Variants in CDH13 observed in about 807,000 individuals in gnomAD.
The protein encoded by CDH13 is cadherin 13.
Under a neutral mutation model 63.8 loss-of-function variants are expected in CDH13, and 24 were observed. That is an observed-to-expected ratio of 0.38 (90% CI 0.27 to 0.53). The LOEUF is 0.53. Among genes scored for constraint, CDH13 ranks in the 20% least tolerant of loss-of-function variants. The pLI is 0.85. For missense variants in CDH13, 1,049 were observed against 903.1 expected (o/e 1.16, Z -2.07); for synonymous variants, 503 against 355.3 (o/e 1.42, Z -4.67).
intron 8 of CDH13, among the ~76,000 whole-genome samples, chr16:83,648,010 G>A (rs916845380): frequency 6.6e-6 from 1 of 152,158 alleles, no homozygotes; most frequent in Non-Finnish European, 1.5e-5. Flanking sequence ...CTTCGCCTAA[G>A]GAAACTGGAG....
At chr16:83,593,912 A>G (rs1461449507) in intron 7 of CDH13, among the ~76,000 whole-genome samples, 1 of 152,210 alleles carries the variant, frequency 6.6e-6, no homozygotes, top group African/African-American at 2.4e-5. Flanking sequence ...GGTACTCATT[A>G]TCTATTGCTG....
intron 1 of CDH13, among the ~76,000 whole-genome samples, chr16:82,681,601 CT>C (rs1162970580): frequency 6.6e-6 from 1 of 152,246 alleles, no homozygotes; most frequent in Non-Finnish European, 1.5e-5. Flanking sequence ...GTATCTGACA[CT>C]TTCTTGCTTA....
chr16:82,733,657 C>A (rs1210762304), intron 1 of CDH13, among the ~76,000 whole-genome samples: 1 of 152,106 alleles, frequency 6.6e-6, no homozygotes, highest in Non-Finnish European at 1.5e-5. Flanking sequence ...GGTCACAGAC[C>A]CAACAGGTGA....
At chr16:83,649,850 T>C (rs1912195522) in intron 8 of CDH13, among the ~76,000 whole-genome samples, 1 of 152,202 alleles carries the variant, frequency 6.6e-6, no homozygotes, top group Admixed American at 6.5e-5. Context: ...CCTGAGGACC[T>C]GATTCAAAAG....
intron 3 of CDH13, among the ~76,000 whole-genome samples, chr16:83,122,124 G>C (rs903824730): frequency 6.6e-6 from 1 of 152,144 alleles, no homozygotes; most frequent in East Asian, 1.9e-4. Flanking sequence ...TTAGTATGTG[G>C]CATTAAATAA....
At chr16:83,445,362 T>C (rs1408374292) in intron 6 of CDH13, among the ~76,000 whole-genome samples, 1 of 128,408 alleles carries the variant, frequency 7.8e-6, no homozygotes, top group Non-Finnish European at 1.8e-5. Context: ...AGAAAAGTTA[T>C]TTCAGAAAAG....
intron 1 of CDH13, among the ~76,000 whole-genome samples, chr16:82,661,026 C>T (rs890603240): frequency 6.6e-6 from 1 of 151,970 alleles, no homozygotes; most frequent in African/African-American, 2.4e-5. Context: ...ATGGCAGTGG[C>T]CACTTCAAAG....
intron 3 of CDH13, among the ~76,000 whole-genome samples, chr16:83,050,967 T>C (rs771642099): frequency 9.8e-5 from 15 of 152,340 alleles, no homozygotes; most frequent in Non-Finnish European, 1.9e-4. Flanking sequence ...ATGTGGTTTC[T>C]ACCTGCAAAC....
rs538139837 is a variant in CDH13, at chr16:82,777,932, G to A, written c.46-80430G>A. On this transcript the variant is annotated intron_variant, in intron 1 of 13. Coordinates refer to ENST00000567109, the MANE Select transcript of CDH13 (RefSeq NM_001257.5). ...ACTTGATTCGTCAGAGAAAATAGGT[G>A]AGAAGAGCCAGAAAGCCAGAGGGCC... 2.0e-5 allele frequency among the ~76,000 whole-genome samples: 3 copies of A among 152,308 alleles called. No individual in the cohort carries two copies. The East Asian group carries it at 5.8e-4, about 29-fold the overall frequency.
chr16:82,776,394 G>A (rs925406334), intron 1 of CDH13, among the ~76,000 whole-genome samples: 2 of 152,206 alleles, frequency 1.3e-5, no homozygotes, highest in African/African-American at 2.4e-5. Flanking sequence ...CCAGTGCAGA[G>A]TTGGTGGTCA....
chr16:82,633,619 C>A (rs1908298899), intron 1 of CDH13, among the ~76,000 whole-genome samples: 1 of 152,158 alleles, frequency 6.6e-6, no homozygotes, highest in South Asian at 2.1e-4. Flanking sequence ...CCTCGTGATC[C>A]ACCTGCCTCG....
intron 1 of CDH13, among the ~76,000 whole-genome samples, chr16:82,687,462 T>C (rs1341564323): frequency 6.6e-6 from 1 of 152,144 alleles, no homozygotes; most frequent in African/African-American, 2.4e-5. Context: ...CAGTTCCACA[T>C]GGCTGGGGAG....
intron 8 of CDH13, among the ~76,000 whole-genome samples, chr16:83,605,764 A>G (rs1908272395): frequency 1.3e-5 from 2 of 152,252 alleles, no homozygotes; most frequent in African/African-American, 4.8e-5. Flanking sequence ...CCAAATTGAC[A>G]TTCTTATCGA....
At chr16:83,094,631 C>T (rs779949273) in intron 3 of CDH13, among the ~76,000 whole-genome samples, 35 of 152,130 alleles carry the variant, frequency 2.3e-4, no homozygotes, top group Non-Finnish European at 4.1e-4. Flanking sequence ...CTCCAACTTC[C>T]CAGTGGCTGA....
intron 1 of CDH13, among the ~76,000 whole-genome samples, chr16:82,793,227 A>G (rs1044533989): frequency 1.3e-5 from 2 of 152,228 alleles, no homozygotes; most frequent in Non-Finnish European, 2.9e-5. Context: ...CAAGGGCAGC[A>G]TGGGGAATTT....
chr16:83,119,447 C>T (rs1008185654), intron 3 of CDH13, among the ~76,000 whole-genome samples: 1 of 152,118 alleles, frequency 6.6e-6, no homozygotes, highest in Non-Finnish European at 1.5e-5. Flanking sequence ...GCACTGGTAC[C>T]CCAAAATGCC....
At chr16:83,509,638 G>C (rs549405932) in intron 7 of CDH13, among the ~76,000 whole-genome samples, 10 of 152,268 alleles carry the variant, frequency 6.6e-5, no homozygotes, top group African/African-American at 2.4e-4. Context: ...TTCTAGCAGA[G>C]AGAAGAAAAC....
At chr16:82,985,646 T>A (rs953155797) in intron 2 of CDH13, among the ~76,000 whole-genome samples, 3 of 152,172 alleles carry the variant, frequency 2.0e-5, no homozygotes, top group African/African-American at 7.2e-5. Context: ...TCTCTGAACC[T>A]TGGCCTCTTC....
intron 3 of CDH13, among the ~76,000 whole-genome samples, chr16:83,052,043 A>G (rs1400818702): frequency 6.6e-6 from 1 of 152,260 alleles, no homozygotes; most frequent in African/African-American, 2.4e-5. Context: ...TAGATAAATT[A>G]GAAGCATGAA....
Sources: allele counts gnomAD v4.1 joint callset (sites outside exome capture counted in the v4.1 genomes callset), GRCh38; gene constraint gnomAD v4.1.1; transcripts MANE v1.5; gene names NCBI Gene and HGNC (gene_info 2026-07-23, HGNC 2026-07-21).